The following PODXL2 variants were observed in gnomAD, a reference collection of about 807,000 sequenced individuals.
The protein encoded by PODXL2 is podocalyxin-like protein 2.
Under a neutral mutation model 53.4 loss-of-function variants are expected in PODXL2, and 17 were observed. The ratio of observed to expected loss-of-function variants is 0.32; its 90% CI spans 0.22 to 0.48. The LOEUF (loss-of-function observed/expected upper bound fraction) is 0.48. Ranked by LOEUF, PODXL2 falls within the 20% of genes least tolerant of loss-of-function variation. PODXL2 has a pLI of 0.99. For missense variants in PODXL2, 673 were observed against 760.0 expected (o/e 0.89, Z 1.35); for synonymous variants, 311 against 306.7 (o/e 1.01, Z -0.15).
intron 2 of PODXL2, among the ~76,000 whole-genome samples, chr3:127,656,990 G>C (rs966758081): frequency 6.7e-6 from 1 of 148,528 alleles, no homozygotes; most frequent in Non-Finnish European, 1.5e-5. Context: ...GCAGTGAGCC[G>C]TGATTGCACC....
At position 127,661,172 on chromosome 3, in the gene PODXL2, G is replaced by C. The variant is rs760058926; in HGVS notation, c.1131+13G>C. The C allele has an allele frequency of 1.9e-6, 3 of 1,596,812 alleles. No homozygotes were observed. Among genetic ancestry groups the C allele is most frequent in the Non-Finnish European group, 2.6e-6 (3 of 1,165,506 alleles). On this transcript the variant is annotated intron_variant, in intron 3 of 7. Coordinates refer to ENST00000342480, the MANE Select transcript of PODXL2 (RefSeq NM_015720.4). ...GGATTCTACGCAGGTAAAGTGAGGG[G>C]CATGCGGGCCACCACCCTGTACCTT...
At chr3:127,664,312 T>C (rs928930845) in intron 4 of PODXL2, among the ~76,000 whole-genome samples, 3 of 152,146 alleles carry the variant, frequency 2.0e-5, no homozygotes, top group Non-Finnish European at 4.4e-5. Context: ...ATCCATTTGG[T>C]AGCATGTGGC....
At chr3:127,644,952 C>A (rs1264777180) in intron 2 of PODXL2, among the ~76,000 whole-genome samples, 3 of 152,228 alleles carry the variant, frequency 2.0e-5, no homozygotes, top group Non-Finnish European at 4.4e-5. Flanking sequence ...CCTTACGTTT[C>A]CTCAGGTCAA....
chr3:127,643,274 G>C (rs1386759559), intron 2 of PODXL2, among the ~76,000 whole-genome samples: 2 of 151,794 alleles, frequency 1.3e-5, no homozygotes, highest in Non-Finnish European at 2.9e-5. Flanking sequence ...GCAATGGTGT[G>C]ATCTCAGCTC....
chr3:127,635,720 G>A (rs554118392), intron 1 of PODXL2, among the ~76,000 whole-genome samples: 4 of 152,358 alleles, frequency 2.6e-5, no homozygotes, highest in African/African-American at 7.2e-5. Context: ...AACAGTCTCT[G>A]TTTTAACAAG....
intron 4 of PODXL2, among the ~76,000 whole-genome samples, chr3:127,666,360 TTC>T (rs2074794992): frequency 8.9e-6 from 1 of 112,716 alleles, no homozygotes; most frequent in African/African-American, 3.3e-5. Flanking sequence ...AGAGAGGTAC[TTC>T]TTTTTTTTTT....
chr3:127,667,720 C>T (rs1481068298), intron 4 of PODXL2, among the ~76,000 whole-genome samples: 1 of 152,204 alleles, frequency 6.6e-6, no homozygotes, highest in Non-Finnish European at 1.5e-5. Flanking sequence ...ACAATACAAG[C>T]GAGTGCACGA....
intron 4 of PODXL2, among the ~76,000 whole-genome samples, chr3:127,664,686 G>T (rs950526747): frequency 1.3e-5 from 2 of 151,794 alleles, no homozygotes; most frequent in African/African-American, 4.8e-5. Context: ...TTAAACAGTG[G>T]CCATCCTGAG....
intron 2 of PODXL2, among the ~76,000 whole-genome samples, chr3:127,655,025 C>A (rs1018644165): frequency 2.3e-4 from 35 of 152,296 alleles, no homozygotes; most frequent in African/African-American, 7.7e-4. Context: ...TCACTGGAAC[C>A]TCTGCCTCCC....
At chr3:127,631,298 G>C (rs2074543696) in intron 1 of PODXL2, among the ~76,000 whole-genome samples, 1 of 152,196 alleles carries the variant, frequency 6.6e-6, no homozygotes, top group South Asian at 2.1e-4. Context: ...CTGCTTAGGG[G>C]AGAGGTGGGG....
chr3:127,659,941 G>A (rs2074752889), intron 2 of PODXL2, among the ~76,000 whole-genome samples: 1 of 152,136 alleles, frequency 6.6e-6, no homozygotes, highest in Non-Finnish European at 1.5e-5. Flanking sequence ...GACCTCCTTC[G>A]GGGACTCCAC....
At chr3:127,656,004 C>T (rs541072878) in intron 2 of PODXL2, among the ~76,000 whole-genome samples, 1 of 152,320 alleles carries the variant, frequency 6.6e-6, no homozygotes, top group Non-Finnish European at 1.5e-5. Flanking sequence ...AGGCACAGGC[C>T]CTGGTTTTTA....
At position 127,666,598 on chromosome 3, in the gene PODXL2, C is replaced by T. The variant is rs2074796096; in HGVS notation, c.1207-1843C>T. Among the ~76,000 whole-genome samples the T allele has an allele frequency of 2.0e-5, 3 of 152,056 alleles. No individual in the cohort carries two copies. In the South Asian group the frequency reaches 6.2e-4, roughly 32 times the overall value. ...AATTTTTTTGCATTTTTTGTAGAGA[C>T]GGAGTTTGCCGTGTTGTCTGTGCAG... On this transcript the variant is annotated intron_variant, in intron 4 of 7. Transcript: ENST00000342480.
chr3:127,657,302 A>G (rs1005714218), intron 2 of PODXL2, among the ~76,000 whole-genome samples: 2 of 152,106 alleles, frequency 1.3e-5, no homozygotes, highest in Non-Finnish European at 2.9e-5. Context: ...TCCCCACCCC[A>G]TGGGATTCTG....
chr3:127,669,323 T>G (rs1302851361), intron 6 of PODXL2, 121 bp downstream of exon 6: 2 of 681,564 alleles, frequency 2.9e-6, no homozygotes, highest in Non-Finnish European at 2.5e-6. Flanking sequence ...CAGAGCGTGC[T>G]CTGGGCAGGT....
rs1368178075 is a variant in PODXL2 at position 127,672,586 on chromosome 3, C to T, written c.*106C>T. On this transcript the variant is annotated 3_prime_UTR_variant, in exon 8 of 8. Transcript: ENST00000342480. The stretch of plus-strand genomic sequence containing the variant: ...AGCCCCGCGCCTACCCGGGCCGCCC[C>T]CGCGGCCTGGCCCTCGGCGCGGGCT... 1.4e-6 allele frequency: 1 copy of T among 724,320 alleles called. No homozygotes were observed. Among genetic ancestry groups the T allele is most frequent in the East Asian group, 3.4e-5 (1 of 29,398 alleles). The allele number at this position is 724,320 out of a possible 1,614,324, so 44.9% of individuals were successfully genotyped here.
intron 4 of PODXL2, among the ~76,000 whole-genome samples, chr3:127,668,238 G>A (rs556582894): frequency 2.0e-5 from 3 of 152,320 alleles, no homozygotes; most frequent in Admixed American, 6.5e-5. Context: ...AGCACCTGGT[G>A]TAAGTGAACA....
intron 2 of PODXL2, among the ~76,000 whole-genome samples, chr3:127,648,764 A>G (rs2074671058): frequency 7.3e-6 from 1 of 136,638 alleles, no homozygotes; most frequent in South Asian, 2.4e-4. Flanking sequence ...GTGTGCCCCT[A>G]TGCCCAGCTA....
At chr3:127,639,113 TG>T in intron 1 of PODXL2, 131 bp from the exon 2 acceptor site, 1 of 900,162 alleles carries the variant, frequency 1.1e-6, no homozygotes. Context: ...GCAAAGCCTC[TG>T]GGTTTTCAGG....
Sources: gnomAD v4.1 joint callset for allele counts (sites outside exome capture counted in the v4.1 genomes callset) on GRCh38, gnomAD v4.1.1 for gene constraint, MANE v1.5 for transcripts, NCBI Gene and HGNC (gene_info 2026-07-23, HGNC 2026-07-21) for gene names.